The following CCDC171 variants were observed in gnomAD, a reference collection of about 807,000 sequenced individuals.
CCDC171 encodes coiled-coil domain-containing protein 171.
Under a neutral mutation model 168.2 loss-of-function variants are expected in CCDC171, and 177 were observed. That is an observed-to-expected ratio of 1.05 (90% CI 0.93 to 1.19). The LOEUF is 1.19. Among genes scored for constraint, CCDC171 ranks in the 50% most tolerant of loss-of-function variants. The pLI is 0.00. For missense variants in CCDC171, 1,991 were observed against 1,539.0 expected (o/e 1.29, Z -4.91); for synonymous variants, 687 against 540.8 (o/e 1.27, Z -3.75).
chr9:15,971,906 TATC>T lies in CCDC171; in HGVS notation c.*72_*74del, dbSNP rs1257134695. The T allele has an allele frequency of 2.2e-6, 3 of 1,343,524 alleles. No homozygotes were observed. The African/African-American group carries it at 4.3e-5, about 19-fold the overall frequency. 83.2% of individuals were successfully genotyped at this position (1,343,524 alleles called of 1,614,324 possible). ...AAATTGTTTTGAATGGGAATTTTCT[TATC>T]AGTTGACTTTTGTTTCAGCAGAAGT... On this transcript the variant is annotated 3_prime_UTR_variant, in exon 26 of 26. Coordinates refer to ENST00000380701, the MANE Select transcript of CCDC171 (RefSeq NM_173550.4).
chr9:16,031,878 C>T (rs934277056), intron 6 of CCDC171, among the ~76,000 whole-genome samples: 14 of 152,134 alleles, frequency 9.2e-5, no homozygotes, highest in African/African-American at 3.4e-4. Flanking sequence ...GTGGCAGCCC[C>T]CAGGATCCAG....
intron 7 of CCDC171, among the ~76,000 whole-genome samples, chr9:15,643,818 A>C (rs559113871): frequency 1.3e-5 from 2 of 152,320 alleles, no homozygotes; most frequent in African/African-American, 2.4e-5. Context: ...CAATGAAATC[A>C]TACAGCATGT....
intron 21 of CCDC171, among the ~76,000 whole-genome samples, chr9:15,804,664 A>G (rs2058991488): frequency 1.3e-5 from 2 of 152,046 alleles, no homozygotes; most frequent in Admixed American, 1.3e-4. Flanking sequence ...TTTTGCATTG[A>G]TGTTCATTAA....
chr9:15,555,735 C>T (rs777112983), intron 1 of CCDC171, among the ~76,000 whole-genome samples: 7 of 152,034 alleles, frequency 4.6e-5, no homozygotes, highest in Non-Finnish European at 8.8e-5. Flanking sequence ...GCACAATGTG[C>T]AGGTTTGTTA....
intron 18 of CCDC171, among the ~76,000 whole-genome samples, chr9:15,763,572 C>A (rs1416003424): frequency 6.6e-6 from 1 of 152,164 alleles, no homozygotes; most frequent in Non-Finnish European, 1.5e-5. Context: ...TCTAATCACT[C>A]CAGAAATGCC....
intron 23 of CCDC171, among the ~76,000 whole-genome samples, chr9:15,867,285 C>T (rs938441955): frequency 6.6e-6 from 1 of 151,934 alleles, no homozygotes; most frequent in Non-Finnish European, 1.5e-5. Context: ...AGTGATTAAC[C>T]AGAGTAAATA....
chr9:15,918,359 G>A (rs538547972), intron 24 of CCDC171, among the ~76,000 whole-genome samples: 15 of 151,262 alleles, frequency 9.9e-5, no homozygotes, highest in South Asian at 4.2e-4. Flanking sequence ...TATAGAGGGA[G>A]GAGATGGAGG....
At chr9:15,573,236 C>T (rs1028439658) in intron 3 of CCDC171, among the ~76,000 whole-genome samples, 5 of 152,054 alleles carry the variant, frequency 3.3e-5, no homozygotes, top group African/African-American at 4.8e-5. Context: ...TAATAATTCT[C>T]TTTGTATTTT....
chr9:15,805,694 T>C (rs1211452994), intron 21 of CCDC171, among the ~76,000 whole-genome samples: 1 of 152,120 alleles, frequency 6.6e-6, no homozygotes, highest in African/African-American at 2.4e-5. Flanking sequence ...AAGTAAGTGC[T>C]GTGTGGAGAT....
At chr9:15,732,335 C>T (rs2054201603) in intron 16 of CCDC171, among the ~76,000 whole-genome samples, 1 of 151,942 alleles carries the variant, frequency 6.6e-6, no homozygotes, top group Admixed American at 6.6e-5. Context: ...GTTTGTGATC[C>T]CTCTCAAATT....
chr9:15,855,910 A>G (rs1563878285), intron 23 of CCDC171, among the ~76,000 whole-genome samples: 1 of 152,100 alleles, frequency 6.6e-6, no homozygotes, highest in South Asian at 2.1e-4. Flanking sequence ...ATTGTTTTAT[A>G]TAGTTGTCTT....
intron 24 of CCDC171, among the ~76,000 whole-genome samples, chr9:15,884,270 A>G: frequency 1.6e-5 from 1 of 62,016 alleles, no homozygotes; most frequent in South Asian, 5.8e-4. Context: ...GGTGATTATG[A>G]GGATCCTATA....
intron 3 of CCDC171, among the ~76,000 whole-genome samples, chr9:16,012,700 C>T (rs751701262): frequency 1.3e-5 from 2 of 151,976 alleles, no homozygotes; most frequent in Non-Finnish European, 2.9e-5. Context: ...TTTTAGTTCA[C>T]TGAATTATCA....
intron 6 of CCDC171, among the ~76,000 whole-genome samples, chr9:16,034,228 G>A (rs142501558): frequency 2.0e-5 from 3 of 152,280 alleles, no homozygotes; most frequent in African/African-American, 7.2e-5. Flanking sequence ...TGTAGCAAGA[G>A]GCGTGACTTC....
intron 21 of CCDC171, among the ~76,000 whole-genome samples, chr9:15,813,329 G>C (rs1192748459): frequency 2.0e-5 from 3 of 152,200 alleles, no homozygotes; most frequent in Non-Finnish European, 4.4e-5. Context: ...GGAACTACAA[G>C]ACGGAACATG....
At chr9:15,948,442 A>G (rs1294434317) in intron 25 of CCDC171, among the ~76,000 whole-genome samples, 1 of 144,712 alleles carries the variant, frequency 6.9e-6, no homozygotes, top group East Asian at 2.1e-4. Flanking sequence ...AGTCCCACCA[A>G]CAGTGTAAAA....
intron 17 of CCDC171, among the ~76,000 whole-genome samples, 186 bp from the exon 18 acceptor site, chr9:15,745,329 T>C (rs1378223987): frequency 6.6e-6 from 1 of 152,230 alleles, no homozygotes; most frequent in Non-Finnish European, 1.5e-5. Flanking sequence ...GTTTATTTGG[T>C]GTCATTTACA....
At chr9:16,068,987 G>T in the CCDC171 span, among the ~76,000 whole-genome samples, 14 of 152,244 alleles carry the variant, frequency 9.2e-5, 1 homozygote, top group South Asian at 8.3e-4. Context: ...ATTCCTGGAG[G>T]GGGTAGTTAG....
chr9:15,724,664 G>C, intron 13 of CCDC171, 112 bp from the exon 14 acceptor site: 1 of 664,402 alleles, frequency 1.5e-6, no homozygotes, highest in Non-Finnish European at 2.7e-6. Context: ...CTGCCTTTGT[G>C]ATTCTTTCAT....
Sources: gnomAD v4.1 joint callset for allele counts (sites outside exome capture counted in the v4.1 genomes callset) on GRCh38, gnomAD v4.1.1 for gene constraint, MANE v1.5 for transcripts, NCBI Gene and HGNC (gene_info 2026-07-23, HGNC 2026-07-21) for gene names.